Variants in PDE1A observed in about 807,000 individuals in gnomAD.
The protein encoded by PDE1A is dual specificity calcium/calmodulin-dependent 3',5'-cyclic nucleotide phosphodiesterase 1A.
Under a neutral mutation model 61.7 loss-of-function variants are expected in PDE1A, and 35 were observed. The ratio of observed to expected loss-of-function variants is 0.57; its 90% CI spans 0.43 to 0.75. The LOEUF is 0.75. Among genes scored for constraint, PDE1A ranks in the 30% least tolerant of loss-of-function variants. The pLI is 0.00. For synonymous variants in PDE1A, 232 were observed against 213.2 expected (o/e 1.09, Z -0.77); for missense variants, 597 against 630.6 (o/e 0.95, Z 0.57).
intron 13 of PDE1A, among the ~76,000 whole-genome samples, chr2:182,181,233 C>G (rs1684734088): frequency 6.6e-6 from 1 of 152,086 alleles, no homozygotes. Flanking sequence ...ATTTATCTAC[C>G]TTTGATCTTT....
chr2:182,711,205 G>A, the PDE1A span, among the ~76,000 whole-genome samples: 2 of 152,162 alleles, frequency 1.3e-5, no homozygotes, highest in Admixed American at 1.3e-4. Context: ...GGAGTAAACA[G>A]AGCATCTGCT....
intron 1 of PDE1A, among the ~76,000 whole-genome samples, chr2:182,343,433 T>C (rs777330311): frequency 2.6e-5 from 4 of 152,218 alleles, no homozygotes; most frequent in Admixed American, 6.5e-5. Context: ...TCAGATGCCA[T>C]AAGCAGCAGA....
At chr2:182,310,424 A>G (rs1024769334) in intron 1 of PDE1A, among the ~76,000 whole-genome samples, 19 of 152,342 alleles carry the variant, frequency 1.2e-4, no homozygotes, top group African/African-American at 4.1e-4. Context: ...TCATTGAAAA[A>G]GAAAGAAATG....
intron 1 of PDE1A, among the ~76,000 whole-genome samples, chr2:182,309,478 A>G (rs1299080210): frequency 1.3e-5 from 2 of 152,080 alleles, no homozygotes; most frequent in African/African-American, 4.8e-5. Flanking sequence ...AACAAAACAA[A>G]TAAGTACCCA....
At chr2:182,357,290 C>A (rs1387915060) in intron 1 of PDE1A, among the ~76,000 whole-genome samples, 3 of 148,364 alleles carry the variant, frequency 2.0e-5, no homozygotes, top group East Asian at 2.0e-4. Flanking sequence ...CAAAAAAAAA[C>A]AAACAAACAA....
chr2:182,252,173 A>G (rs2128043), intron 2 of PDE1A, among the ~76,000 whole-genome samples: 68,470 of 152,038 alleles, frequency 0.45, 16,235 homozygotes, highest in East Asian at 0.65. Flanking sequence ...AAAATATTCA[A>G]GTATTTGCAC....
the PDE1A span, among the ~76,000 whole-genome samples, chr2:182,531,114 T>C: frequency 6.6e-6 from 1 of 151,664 alleles, no homozygotes; most frequent in Non-Finnish European, 1.5e-5. Flanking sequence ...CTATCAAAAA[T>C]AGCTATTTAA....
At chr2:182,266,605 TA>T (rs1692649520) in intron 1 of PDE1A, among the ~76,000 whole-genome samples, 1 of 152,164 alleles carries the variant, frequency 6.6e-6, no homozygotes, top group South Asian at 2.1e-4. Context: ...ATTTTCCCAC[TA>T]AAAACACTAC....
chr2:182,527,373 T>TAC (rs1559543492), upstream of PDE1A, among the ~76,000 whole-genome samples: 33 of 65,008 alleles, frequency 5.1e-4, 2 homozygotes, highest in Middle Eastern at 0.02. Flanking sequence ...TATATATATA[T>TAC]ACACATATAT....
chr2:182,364,488 A>AAAAAAAAAAAAC (rs1699718525), intron 1 of PDE1A, among the ~76,000 whole-genome samples: 1 of 145,164 alleles, frequency 6.9e-6, no homozygotes, highest in South Asian at 2.2e-4. Context: ...AAAAAAAAAA[A>AAAAAAAAAAAAC]AAAAAAAAAA....
At chr2:182,376,914 A>C (rs1405630288) in intron 1 of PDE1A, among the ~76,000 whole-genome samples, 6 of 152,144 alleles carry the variant, frequency 3.9e-5, no homozygotes, top group African/African-American at 1.4e-4. Context: ...AAACCATCAG[A>C]TTTCGTGAGA....
chr2:182,233,909 A>G (rs1689788935), intron 4 of PDE1A, among the ~76,000 whole-genome samples: 2 of 151,776 alleles, frequency 1.3e-5, no homozygotes. Context: ...GGGCCTTAGA[A>G]TAGTGTAGCC....
intron 2 of PDE1A, among the ~76,000 whole-genome samples, chr2:182,485,328 C>T (rs1262186174): frequency 6.6e-6 from 1 of 151,900 alleles, no homozygotes; most frequent in African/African-American, 2.4e-5. Flanking sequence ...AACTCATGAA[C>T]ACAAAGAAGG....
At chr2:182,469,820 T>C (rs952396018) in intron 2 of PDE1A, among the ~76,000 whole-genome samples, 4 of 151,818 alleles carry the variant, frequency 2.6e-5, no homozygotes, top group African/African-American at 7.2e-5. Context: ...AGGTTACTAA[T>C]TGGTCTAATT....
chr2:182,650,517 T>C, the PDE1A span, among the ~76,000 whole-genome samples: 1 of 152,178 alleles, frequency 6.6e-6, no homozygotes, highest in Non-Finnish European at 1.5e-5. Context: ...TGCATGGAAA[T>C]AGGGAAGAAC....
chr2:182,432,113 C>T (rs187383436), intron 2 of PDE1A, among the ~76,000 whole-genome samples: 2 of 152,212 alleles, frequency 1.3e-5, no homozygotes, highest in African/African-American at 4.8e-5. Flanking sequence ...CGGCAAGTTT[C>T]CCTTCAACTC....
intron 1 of PDE1A, among the ~76,000 whole-genome samples, chr2:182,279,979 T>C (rs1693694759): frequency 6.6e-6 from 1 of 151,944 alleles, no homozygotes; most frequent in South Asian, 2.1e-4. Flanking sequence ...TTAGGTGTTT[T>C]TTATATATCT....
At chr2:182,555,451 C>T in the PDE1A span, among the ~76,000 whole-genome samples, 6 of 152,262 alleles carry the variant, frequency 3.9e-5, no homozygotes, top group Admixed American at 6.5e-5. Flanking sequence ...TCTTTTTTCA[C>T]ATAAATTAAC....
chr2:182,695,528 G>T, the PDE1A span, among the ~76,000 whole-genome samples: 7 of 151,862 alleles, frequency 4.6e-5, no homozygotes, highest in Non-Finnish European at 7.4e-5. Context: ...TTAGCTGGGC[G>T]CGGTGGCTGG....
Sources: allele counts gnomAD v4.1 joint callset (sites outside exome capture counted in the v4.1 genomes callset), GRCh38; gene constraint gnomAD v4.1.1; transcripts MANE v1.5; gene names NCBI Gene and HGNC (gene_info 2026-07-23, HGNC 2026-07-21).